The following DGKK variants were observed in gnomAD, a reference collection of about 807,000 sequenced individuals.
DGKK encodes 142 kDa diacylglycerol kinase.
Under a neutral mutation model 92.2 loss-of-function variants are expected in DGKK, and 35 were observed. The ratio of observed to expected loss-of-function variants is 0.38; its 90% confidence interval spans 0.29 to 0.50. The LOEUF (loss-of-function observed/expected upper bound fraction) is 0.50. Ranked by LOEUF, DGKK falls within the 20% of genes least tolerant of loss-of-function variation. The pLI, the probability that DGKK is intolerant of heterozygous loss-of-function variation, is 0.92. For missense variants in DGKK, 910 were observed against 992.2 expected (o/e 0.92, Z 1.11); for synonymous variants, 368 against 360.6 (o/e 1.02, Z -0.23).
Position 50,368,836 on chromosome X carries a change from G to T in DGKK, c.*104C>A, listed in dbSNP as rs1924036209. 1.1e-5 allele frequency: 7 copies of T among 633,923 alleles called. No homozygotes were observed. Among genetic ancestry groups the T allele is most frequent in the Non-Finnish European group, 1.4e-5 (6 of 415,748 alleles). The allele number at this position is 633,923 out of a possible 1,213,427, so 52.2% of individuals were successfully genotyped here. ...AAGAATTGGAGGGTCTTTCTTGGTG[G>T]TGCTCATGTTTGTTCTGAAATGATT... On this transcript the variant is annotated 3_prime_UTR_variant, in exon 28 of 28. Transcript: ENST00000611977.
intron 18 of DGKK, among the ~76,000 whole-genome samples, chrX:50,380,889 T>C (rs1924397028): frequency 8.9e-6 from 1 of 111,875 alleles, no homozygotes; most frequent in African/African-American, 3.2e-5. Flanking sequence ...CTGGGCACTT[T>C]GGTGTTCTCA....
In DGKK at chrX:50,391,460, C is replaced by T; in HGVS notation, c.1821G>A (p.Gln607=). 5.0e-6 allele frequency: 6 copies of T among 1,211,476 alleles called. No individual in the cohort carries two copies. The South Asian group carries it at 7.0e-5, about 14-fold the overall frequency. The change falls in exon 11 of 28, where the codon CAG becomes CAA. Residue 607 remains glutamine (Q), a synonymous_variant. Transcript: ENST00000611977. Reference sequence around the variant, plus strand: ...ACCTGTCTAGGATCCTCACACTAGCCTGCTCCACTCTGTTGAGGATGTCCA... The same window carrying T: ...ACCTGTCTAGGATCCTCACACTAGCTTGCTCCACTCTGTTGAGGATGTCCA... ...SPLDILNRVE[Q]ASVRILDRWS...
At chrX:50,399,140 T>G (rs781935924) in intron 8 of DGKK, among the ~76,000 whole-genome samples, 50 of 112,133 alleles carry the variant, frequency 4.5e-4, no homozygotes, top group African/African-American at 1.5e-3. Flanking sequence ...ATGAGTATAC[T>G]TGCCTGCAGA....
At chrX:50,382,392 TC>T in intron 18 of DGKK, 103 bp downstream of exon 18, 3 of 581,149 alleles carry the variant, frequency 5.2e-6, no homozygotes, top group Non-Finnish European at 7.8e-6. Flanking sequence ...TTCCAGTGGG[TC>T]CCTTTCTTTC....
At chrX:50,434,007 C>G (rs1452754714) in intron 1 of DGKK, among the ~76,000 whole-genome samples, 2 of 111,002 alleles carry the variant, frequency 1.8e-5, no homozygotes, top group African/African-American at 3.3e-5. Flanking sequence ...ATTCTTTTAC[C>G]TGACCATAAG....
intron 1 of DGKK, among the ~76,000 whole-genome samples, chrX:50,458,533 T>G (rs1304911846): frequency 9.2e-6 from 1 of 108,289 alleles, no homozygotes. Context: ...ATAATATATT[T>G]ATTTTCTCCC....
intron 14 of DGKK, 112 bp from the exon 15 acceptor site, chrX:50,386,698 A>G (rs1924552364): frequency 1.5e-5 from 9 of 597,307 alleles, no homozygotes; most frequent in East Asian, 3.6e-5. Context: ...AGAGTTGTCC[A>G]TAAATGCTGA....
intron 1 of DGKK, among the ~76,000 whole-genome samples, chrX:50,462,371 C>A (rs955576750): frequency 7.7e-5 from 8 of 103,911 alleles, no homozygotes; most frequent in Admixed American, 6.2e-4. Flanking sequence ...ATCTGTGGAG[C>A]CTGTGGGAGA....
rs1376261136 is a variant in DGKK, at chrX:50,400,247, A to T, written c.1411+790T>A. Among the ~76,000 whole-genome samples, 6 of 111,458 alleles carry T rather than the reference A, an allele frequency of 5.4e-5. No homozygotes were observed. The Admixed American group carries it at 5.7e-4, about 11-fold the overall frequency. ...TACTTATTCTTAAACAAACACAAAA[A>T]CTATACAAAATACCCTTCTTCTTGG... On this transcript the variant is annotated intron_variant, in intron 8 of 27. Transcript: ENST00000611977.
At chrX:50,385,566 C>T (rs1462033843) in intron 15 of DGKK, among the ~76,000 whole-genome samples, 4 of 111,843 alleles carry the variant, frequency 3.6e-5, no homozygotes, top group African/African-American at 9.8e-5. Flanking sequence ...AATCCTTCCA[C>T]TGTGCAGAAG....
chrX:50,465,149 A>G lies in DGKK; in HGVS notation c.645+4885T>C, dbSNP rs781832057. On this transcript the variant is annotated intron_variant, in intron 1 of 27. Transcript: ENST00000611977. ...TTTCATGAATATTTTAAGGTTAGAA[A>G]TACTGTTTAACTTAAGATGATTTCT... 3.6e-5 allele frequency among the ~76,000 whole-genome samples: 4 copies of G among 112,021 alleles called. No homozygotes were observed. In the East Asian group the frequency reaches 1.1e-3, roughly 31 times the overall value.
At chrX:50,454,390 C>T (rs113606911) in intron 1 of DGKK, among the ~76,000 whole-genome samples, 2,476 of 111,123 alleles carry the variant, frequency 0.022, 60 homozygotes, top group African/African-American at 0.075. Context: ...GGTAAGCAGG[C>T]CACCATCATC....
In DGKK at chrX:50,368,869, G is replaced by T; in HGVS notation, c.*71C>A. 1 of 894,484 alleles carries T rather than the reference G, an allele frequency of 1.1e-6. No homozygotes were observed. The highest frequency in any genetic ancestry group is 1.6e-6 in the Non-Finnish European group (1 of 621,450). 73.7% of individuals were successfully genotyped at this position (894,484 alleles called of 1,213,427 possible). Reference sequence around the variant, plus strand: ...GTTTGTTCTGAAATGATTTAGTCTAGCCTGTATTGAGGTTTTGAGAGTTTT... The same window carrying T: ...GTTTGTTCTGAAATGATTTAGTCTATCCTGTATTGAGGTTTTGAGAGTTTT... On this transcript the variant is annotated 3_prime_UTR_variant, in exon 28 of 28. Coordinates refer to ENST00000611977, the MANE Select transcript of DGKK (RefSeq NM_001013742.4).
At chrX:50,451,146 T>C (rs2147148553) in intron 1 of DGKK, among the ~76,000 whole-genome samples, 1 of 111,236 alleles carries the variant, frequency 9.0e-6, no homozygotes, top group African/African-American at 3.3e-5. Flanking sequence ...AAAATGGGGC[T>C]TTGAAATTTA....
At position 50,379,629 on chromosome X, in the gene DGKK, T is replaced by A; in HGVS notation, c.2860A>T (p.Thr954Ser). 1 of 1,204,070 alleles carries A rather than the reference T, an allele frequency of 8.3e-7. No homozygotes were observed. The highest frequency in any genetic ancestry group is 1.1e-6 in the Non-Finnish European group (1 of 888,750). ...CCCATTCCTTGTTCCATACTAACCGTGGTTGCTGTGTTGCTTCCCCAGAAG... is the reference window on the plus strand; with the variant it reads ...CCCATTCCTTGTTCCATACTAACCGAGGTTGCTGTGTTGCTTCCCCAGAAG... ...INFWGSNTAT[T>S]EYEAPAIDDG... Residue 954 changes from threonine to serine, a missense_variant and splice_region_variant, in exon 20 of 28, where the codon ACG becomes TCG. Thr to Ser is a moderately conservative substitution (Grantham distance 58). Transcript: ENST00000611977.
intron 27 of DGKK, among the ~76,000 whole-genome samples, chrX:50,370,100 G>A (rs1188730390): frequency 3.6e-5 from 4 of 112,006 alleles, no homozygotes; most frequent in African/African-American, 1.3e-4. Flanking sequence ...TACTATAACA[G>A]GAACAAAAGT....
At position 50,470,761 on chromosome X, in the gene DGKK, A is replaced by T; in HGVS notation, c.-83T>A. The T allele has an allele frequency of 9.7e-7, 1 of 1,032,336 alleles. No individual in the cohort carries two copies. The highest frequency in any genetic ancestry group is 1.3e-6 in the Non-Finnish European group (1 of 793,715). The allele number at this position is 1,032,336 out of a possible 1,213,427, so 85.1% of individuals were successfully genotyped here. A position where few individuals can be genotyped will look rare whatever the true frequency, so the allele number is the denominator to read the frequency against. ...TACCCTCGGGCGCCCCGCCCACTCC[A>T]GTCCGGCAGCCCCTCGCAGGGTGCC... On this transcript the variant is annotated 5_prime_UTR_variant, in exon 1 of 28. Coordinates refer to ENST00000611977, the MANE Select transcript of DGKK (RefSeq NM_001013742.4).
At chrX:50,404,469 G>A (rs1271878038) in intron 4 of DGKK, among the ~76,000 whole-genome samples, 2 of 101,679 alleles carry the variant, frequency 2.0e-5, no homozygotes, top group African/African-American at 7.3e-5. Flanking sequence ...TTTTTTGAGA[G>A]GAAGTCTTGA....
intron 2 of DGKK, 110 bp from the exon 3 acceptor site, chrX:50,422,636 T>C: frequency 3.0e-6 from 1 of 336,221 alleles, no homozygotes; most frequent in Non-Finnish European, 4.6e-6. Flanking sequence ...ACACACACAC[T>C]TACTGACAGG....
Sources: gnomAD v4.1 joint callset for allele counts (sites outside exome capture counted in the v4.1 genomes callset) on GRCh38, gnomAD v4.1.1 for gene constraint, MANE v1.5 for transcripts, NCBI Gene and HGNC (gene_info 2026-07-23, HGNC 2026-07-21) for gene names.